The following NUS1 variants were observed in gnomAD, a reference collection of about 807,000 sequenced individuals.
The protein encoded by NUS1 is dehydrodolichyl diphosphate synthase complex subunit NUS1.
For synonymous variants in NUS1, 135 were observed against 155.2 expected (o/e 0.87, Z 0.97); for missense variants, 292 against 382.9 (o/e 0.76, Z 1.98).
chr6:117,686,896 G>A lies in NUS1; in HGVS notation c.416-6146G>A, dbSNP rs2114682429. ...TGTGTGTGTGTGTGTGTGTGTGTGTGTGTAGACATTGAATCCTGAAGAAAA... is the reference window on the plus strand; with the variant it reads ...TGTGTGTGTGTGTGTGTGTGTGTGTATGTAGACATTGAATCCTGAAGAAAA... On this transcript the variant is annotated intron_variant, in intron 1 of 4. Coordinates refer to ENST00000368494, the MANE Select transcript of NUS1 (RefSeq NM_138459.5). Among the ~76,000 whole-genome samples the A allele has an allele frequency of 2.4e-5, 3 of 124,362 alleles. No individual in the cohort carries two copies. The South Asian group carries it at 7.7e-4, about 32-fold the overall frequency. The allele number at this position is 124,362 out of a possible 152,430, so 81.6% of individuals were successfully genotyped here.
At chr6:117,682,861 G>A (rs564096628) in intron 1 of NUS1, among the ~76,000 whole-genome samples, 1 of 152,254 alleles carries the variant, frequency 6.6e-6, no homozygotes, top group Non-Finnish European at 1.5e-5. Context: ...GTCACTTTTA[G>A]TACTGTTTCT....
At chr6:117,692,785 A>G (rs1293781824) in intron 1 of NUS1, among the ~76,000 whole-genome samples, 5 of 152,102 alleles carry the variant, frequency 3.3e-5, no homozygotes, top group Non-Finnish European at 5.9e-5. Context: ...AAAATTCCTA[A>G]GTCTAAATTT....
At chr6:117,700,753 CCA>C (rs1012681714) in intron 3 of NUS1, among the ~76,000 whole-genome samples, 2 of 152,128 alleles carry the variant, frequency 1.3e-5, no homozygotes, top group South Asian at 2.1e-4. Flanking sequence ...TACATATGGA[CCA>C]CAGAGTAGTA....
In NUS1 at chr6:117,706,185, T is replaced by A. The variant is rs112431206; in HGVS notation, c.792-740T>A. Among the ~76,000 whole-genome samples, 575 of 152,334 alleles carry A rather than the reference T, an allele frequency of 3.8e-3. 4 individuals are homozygous for A. Among genetic ancestry groups the A allele is most frequent in the African/African-American group, 0.013 (555 of 41,576 alleles). ...TAATACATAAAAGGGAACCCTCTGATTGTGTATTCAGTCTATCTTTAAAGT... is the reference window on the plus strand; with the variant it reads ...TAATACATAAAAGGGAACCCTCTGAATGTGTATTCAGTCTATCTTTAAAGT... On this transcript the variant is annotated intron_variant, in intron 4 of 4. Coordinates refer to ENST00000368494, the MANE Select transcript of NUS1 (RefSeq NM_138459.5).
intron 3 of NUS1, among the ~76,000 whole-genome samples, chr6:117,697,365 G>T (rs189029361): frequency 6.6e-6 from 1 of 151,856 alleles, no homozygotes. Context: ...ACATACAGTG[G>T]GCGGATGGAT....
intron 1 of NUS1, among the ~76,000 whole-genome samples, chr6:117,688,636 T>C (rs1206123558): frequency 1.3e-5 from 2 of 152,192 alleles, no homozygotes; most frequent in Non-Finnish European, 2.9e-5. Context: ...CTTGATGTCA[T>C]ATAAGTGTTC....
At chr6:117,694,350 G>GTCTT (rs1483345034) in intron 3 of NUS1, among the ~76,000 whole-genome samples, 170 bp downstream of exon 3, 4 of 152,068 alleles carry the variant, frequency 2.6e-5, no homozygotes, top group African/African-American at 9.7e-5. Flanking sequence ...AAAGACCTAT[G>GTCTT]TAAAAATGGT....
intron 3 of NUS1, among the ~76,000 whole-genome samples, chr6:117,695,235 A>AT (rs1243537979): frequency 6.8e-6 from 1 of 146,202 alleles, no homozygotes; most frequent in African/African-American, 2.5e-5. Flanking sequence ...AAAGAAATGC[A>AT]TTTTCTATCT....
intron 3 of NUS1, among the ~76,000 whole-genome samples, chr6:117,699,882 A>G (rs920433908): frequency 5.3e-5 from 8 of 152,296 alleles, no homozygotes; most frequent in Non-Finnish European, 1.2e-4. Context: ...TTTTTTGACA[A>G]AGGTGCCCAG....
At chr6:117,701,671 G>C (rs1278634816) in intron 3 of NUS1, among the ~76,000 whole-genome samples, 1 of 151,980 alleles carries the variant, frequency 6.6e-6, no homozygotes, top group Non-Finnish European at 1.5e-5. Flanking sequence ...TAATTTTCAG[G>C]TTGTTTGTTA....
intron 3 of NUS1, among the ~76,000 whole-genome samples, chr6:117,694,534 G>C (rs1773288400): frequency 6.6e-6 from 1 of 151,772 alleles, no homozygotes; most frequent in Admixed American, 6.6e-5. Context: ...CCTTAACTTT[G>C]AACTTAATCT....
In NUS1 at chr6:117,675,741, C is replaced by G. The variant is rs1260030702; in HGVS notation, c.71C>G (p.Ser24Cys). 1.3e-6 allele frequency: 2 copies of G among 1,544,940 alleles called. No homozygotes were observed. Among genetic ancestry groups the G allele is most frequent in the Middle Eastern group, 2.3e-4 (1 of 4,356 alleles). ...CTCTGTCTGCACCGCACGCTCACCT[C>G]CTGGCTCCGCGTTCGGTTCGGCACC... is the stretch of plus-strand genomic sequence containing the variant. Reference protein sequence around the residue: ...ALLCLHRTLTSWLRVRFGTWN... With the variant: ...ALLCLHRTLTCWLRVRFGTWN... The change falls in exon 1 of 5, where the codon TCC (serine) becomes TGC (cysteine). Residue 24 changes from serine to cysteine, a missense_variant. By Grantham distance (112) the Ser-to-Cys change is moderately radical (BLOSUM62 -1). Coordinates refer to ENST00000368494, the MANE Select transcript of NUS1 (RefSeq NM_138459.5).
chr6:117,685,741 A>G (rs902560650), intron 1 of NUS1, among the ~76,000 whole-genome samples: 1 of 152,194 alleles, frequency 6.6e-6, no homozygotes, highest in Non-Finnish European at 1.5e-5. Context: ...CAAAACATAA[A>G]GTAAAAATCT....
rs1773524340 is a variant in NUS1, at chr6:117,707,962, TA to T, written c.*953del. Reference sequence around the variant, plus strand: ...TGCCATATTATACCCAAAGTTCTTTTAAAAAATATTTCCATCAACCATTTTT... The same window carrying T: ...TGCCATATTATACCCAAAGTTCTTTTAAAAATATTTCCATCAACCATTTTT... On this transcript the variant is annotated 3_prime_UTR_variant, in exon 5 of 5. Coordinates refer to ENST00000368494, the MANE Select transcript of NUS1 (RefSeq NM_138459.5). 3 of 152,308 alleles carry T rather than the reference TA, an allele frequency of 2.0e-5. No homozygotes were observed. The highest frequency in any genetic ancestry group is 1.3e-4 in the Admixed American group (2 of 15,292). The allele number at this position is 152,308 out of a possible 1,614,324, so 9.4% of individuals were successfully genotyped here.
chr6:117,703,524 C>T (rs1316904248), intron 3 of NUS1, 81 bp from the exon 4 acceptor site: 6 of 1,019,440 alleles, frequency 5.9e-6, no homozygotes, highest in Middle Eastern at 2.5e-4. Context: ...ATACATTTTG[C>T]CCATGATCTG....
chr6:117,686,845 A>AGTGT (rs1405737263), intron 1 of NUS1, among the ~76,000 whole-genome samples: 15 of 114,488 alleles, frequency 1.3e-4, no homozygotes, highest in African/African-American at 2.2e-4. Flanking sequence ...TATCATGTGA[A>AGTGT]GTGTGTATGT....
intron 1 of NUS1, among the ~76,000 whole-genome samples, chr6:117,680,416 G>T (rs901172954): frequency 8.5e-5 from 13 of 152,176 alleles, no homozygotes; most frequent in African/African-American, 2.9e-4. Flanking sequence ...GATATGTATT[G>T]TTATCTTAAG....
intron 4 of NUS1, among the ~76,000 whole-genome samples, chr6:117,705,448 T>C (rs1773487035): frequency 6.6e-6 from 1 of 152,160 alleles, no homozygotes; most frequent in Non-Finnish European, 1.5e-5. Context: ...AATGTGGAGT[T>C]GAGAATTTAA....
intron 1 of NUS1, among the ~76,000 whole-genome samples, chr6:117,690,696 T>C (rs1219415013): frequency 3.9e-5 from 6 of 152,232 alleles, no homozygotes; most frequent in Admixed American, 2.0e-4. Flanking sequence ...TTTTCAACTT[T>C]TAAAAATGTT....
Sources: gnomAD v4.1 joint callset for allele counts (sites outside exome capture counted in the v4.1 genomes callset) on GRCh38, gnomAD v4.1.1 for gene constraint, MANE v1.5 for transcripts, NCBI Gene and HGNC (gene_info 2026-07-23, HGNC 2026-07-21) for gene names.